Variants in GPC5 observed in about 807,000 individuals in gnomAD.
GPC5 encodes glypican 5, also known as glypican-5.
GPC5 carries 47 observed loss-of-function variants against 53.9 expected under a neutral mutation model. That is an observed-to-expected ratio of 0.87 (90% CI 0.69 to 1.11). GPC5 has a LOEUF of 1.11. Ranked by LOEUF, GPC5 falls within the 50% of genes most tolerant of loss-of-function variation. GPC5 has a pLI of 0.00. For missense variants in GPC5, 748 were observed against 713.1 expected, an observed-to-expected ratio of 1.05 and a Z score of -0.56; for synonymous variants, 286 against 263.3, an observed-to-expected ratio of 1.09 and a Z score of -0.84.
intron 7 of GPC5, among the ~76,000 whole-genome samples, chr13:92,548,347 G>T (rs1464777996): frequency 6.6e-6 from 1 of 150,752 alleles, no homozygotes; most frequent in Non-Finnish European, 1.5e-5. Flanking sequence ...TGACATGAAT[G>T]GTCTCATATA....
intron 2 of GPC5, among the ~76,000 whole-genome samples, chr13:91,665,467 A>G (rs1430074151): frequency 6.6e-6 from 1 of 151,886 alleles, no homozygotes; most frequent in East Asian, 1.9e-4. Context: ...GTGGTAAGAC[A>G]AATAAGCTGT....
At chr13:92,014,438 T>C (rs1197424178) in intron 6 of GPC5, among the ~76,000 whole-genome samples, 1 of 152,154 alleles carries the variant, frequency 6.6e-6, no homozygotes, top group African/African-American at 2.4e-5. Context: ...AGTATCCTCC[T>C]TACAATGTGA....
intron 7 of GPC5, among the ~76,000 whole-genome samples, chr13:92,641,820 T>C (rs1299383236): frequency 6.6e-6 from 1 of 152,238 alleles, no homozygotes; most frequent in Non-Finnish European, 1.5e-5. Flanking sequence ...TAAGAGATGT[T>C]GGCACTTTGG....
At chr13:92,381,911 T>TATATATG (rs1566565364) in intron 7 of GPC5, among the ~76,000 whole-genome samples, 1 of 135,818 alleles carries the variant, frequency 7.4e-6, no homozygotes, top group African/African-American at 2.8e-5. Flanking sequence ...ATATATATGA[T>TATATATG]ATATATAATC....
chr13:91,603,765 G>T (rs961613904), intron 2 of GPC5, among the ~76,000 whole-genome samples: 1 of 151,892 alleles, frequency 6.6e-6, no homozygotes, highest in Admixed American at 6.6e-5. Context: ...CATACAATAT[G>T]GACTTATCTC....
At chr13:92,800,541 C>G (rs915737435) in intron 7 of GPC5, among the ~76,000 whole-genome samples, 2 of 151,846 alleles carry the variant, frequency 1.3e-5, no homozygotes, top group Non-Finnish European at 2.9e-5. Context: ...CACTAACGAA[C>G]CCTGTGAAAA....
intron 2 of GPC5, among the ~76,000 whole-genome samples, chr13:91,620,942 C>T (rs9589310): frequency 0.1 from 15,289 of 152,148 alleles, 1,041 homozygotes; most frequent in South Asian, 0.24. Context: ...TAAAATGTTA[C>T]AGTTGGACAT....
At chr13:92,600,111 T>G (rs975077807) in intron 7 of GPC5, among the ~76,000 whole-genome samples, 2 of 152,208 alleles carry the variant, frequency 1.3e-5, no homozygotes, top group Non-Finnish European at 2.9e-5. Context: ...TTCTTGAACT[T>G]TCTGTGCTGT....
intron 2 of GPC5, among the ~76,000 whole-genome samples, chr13:91,553,815 T>C (rs958297394): frequency 1.3e-5 from 2 of 152,078 alleles, no homozygotes; most frequent in African/African-American, 4.8e-5. Context: ...CTCTTAATAA[T>C]GTGCAGCTGA....
At chr13:91,497,801 GTTCTT>G (rs1432279887) in intron 2 of GPC5, among the ~76,000 whole-genome samples, 1 of 152,064 alleles carries the variant, frequency 6.6e-6, no homozygotes, top group Admixed American at 6.6e-5. Context: ...TATTCTTTCT[GTTCTT>G]TTAAATTATC....
At chr13:91,621,761 T>TATGTATATATATATATATATA (rs11462875) in intron 2 of GPC5, among the ~76,000 whole-genome samples, 1 of 46,866 alleles carries the variant, frequency 2.1e-5, no homozygotes, top group Non-Finnish European at 5.2e-5. Context: ...GGACAGAACA[T>TATGTATATATATATATATATA]TATATATATA....
intron 5 of GPC5, among the ~76,000 whole-genome samples, chr13:91,903,712 T>G (rs1351300617): frequency 6.6e-6 from 1 of 152,136 alleles, no homozygotes; most frequent in South Asian, 2.1e-4. Context: ...CTCTGAAATA[T>G]TCAATAATAT....
At chr13:92,562,312 T>C (rs928706899) in intron 7 of GPC5, among the ~76,000 whole-genome samples, 6 of 152,036 alleles carry the variant, frequency 3.9e-5, no homozygotes, top group African/African-American at 1.2e-4. Flanking sequence ...ATACGTCGGC[T>C]CTTGCCAAGA....
chr13:92,813,011 T>C (rs1286226880), intron 7 of GPC5, among the ~76,000 whole-genome samples: 2 of 152,026 alleles, frequency 1.3e-5, no homozygotes, highest in African/African-American at 4.8e-5. Flanking sequence ...GTGTATTTTT[T>C]ATCATACAAG....
At chr13:91,555,449 G>A (rs2030889505) in intron 2 of GPC5, among the ~76,000 whole-genome samples, 1 of 26,394 alleles carries the variant, frequency 3.8e-5, no homozygotes, top group African/African-American at 1.2e-4. Flanking sequence ...TCACTATATA[G>A]AAGGATGTTT....
intron 7 of GPC5, among the ~76,000 whole-genome samples, chr13:92,164,194 A>G (rs2042010786): frequency 6.6e-6 from 1 of 152,140 alleles, no homozygotes; most frequent in African/African-American, 2.4e-5. Flanking sequence ...CTCACATTTC[A>G]AAACACAAGC....
At chr13:91,557,381 C>T (rs1284507580) in intron 2 of GPC5, among the ~76,000 whole-genome samples, 1 of 152,084 alleles carries the variant, frequency 6.6e-6, no homozygotes, top group Non-Finnish European at 1.5e-5. Context: ...TTTACTTTCC[C>T]TTTCATTGTT....
chr13:92,039,004 C>T (rs1354959699), intron 6 of GPC5, among the ~76,000 whole-genome samples: 1 of 152,144 alleles, frequency 6.6e-6, no homozygotes, highest in Non-Finnish European at 1.5e-5. Flanking sequence ...TGAAATCTTG[C>T]TGGTAATTCA....
chr13:91,773,270 C>T (rs568053702), intron 5 of GPC5, among the ~76,000 whole-genome samples: 2 of 152,260 alleles, frequency 1.3e-5, no homozygotes, highest in South Asian at 4.1e-4. Context: ...TAACATTGCT[C>T]AGGAGGTACA....
Sources: gnomAD v4.1 joint callset for allele counts (sites outside exome capture counted in the v4.1 genomes callset) on GRCh38, gnomAD v4.1.1 for gene constraint, MANE v1.5 for transcripts, NCBI Gene and HGNC (gene_info 2026-07-23, HGNC 2026-07-21) for gene names.